The following GRIA2 variants were observed in gnomAD, a reference collection of about 807,000 sequenced individuals.
GRIA2 encodes the protein glutamate receptor 2.
Under a neutral mutation model 97.3 loss-of-function variants are expected in GRIA2, and 14 were observed. That is an observed-to-expected ratio of 0.14 (90% CI 0.10 to 0.23). The LOEUF is 0.23. Ranked by LOEUF, GRIA2 falls within the 10% of genes least tolerant of loss-of-function variation. The pLI, the probability that GRIA2 is intolerant of heterozygous loss-of-function variation, is 1.00. For synonymous variants in GRIA2, 412 were observed against 387.8 expected, an observed-to-expected ratio of 1.06 and a Z score of -0.73; for missense variants, 558 against 1,069.8, an observed-to-expected ratio of 0.52 and a Z score of 6.67.
In GRIA2 at chr4:157,282,440, T is replaced by C. The variant is rs187648491; in HGVS notation, c.230-21112T>C. Among the ~76,000 whole-genome samples, 4 of 152,188 alleles carry C rather than the reference T, an allele frequency of 2.6e-5. No homozygotes were observed. The East Asian group carries it at 7.7e-4, about 29-fold the overall frequency. ...TTAGAAGGAAGACAGTTTTGAGGAA[T>C]TATAAAGATTGGGCAATAAGAATTT... is the stretch of plus-strand genomic sequence containing the variant. On this transcript the variant is annotated intron_variant, in intron 2 of 15. Transcript: ENST00000264426.
intron 2 of GRIA2, among the ~76,000 whole-genome samples, chr4:157,251,313 C>A (rs1012083139): frequency 6.6e-6 from 1 of 152,018 alleles, no homozygotes; most frequent in African/African-American, 2.4e-5. Flanking sequence ...AAATATTTTT[C>A]TGACAGGGTG....
In GRIA2 at chr4:157,361,323, A is replaced by C. The variant is rs1287773155; in HGVS notation, c.2406+199A>C. ...TCTCTTTCTCCATATCTCAAGGAAA[A>C]ATTTGTAACTAATGGATTTGTTGCA... On this transcript the variant is annotated intron_variant, in intron 14 of 15. Transcript: ENST00000264426. The surrounding 1 kb of genome is among the most constrained non-coding windows in gnomAD (Gnocchi z 5.2). Among the ~76,000 whole-genome samples, 3 of 152,074 alleles carry C rather than the reference A, an allele frequency of 2.0e-5. No homozygotes were observed. Among genetic ancestry groups the C allele is most frequent in the African/African-American group, 7.2e-5 (3 of 41,414 alleles).
intron 10 of GRIA2, among the ~76,000 whole-genome samples, chr4:157,336,166 C>G (rs537117787): frequency 5.9e-5 from 9 of 152,138 alleles, no homozygotes; most frequent in African/African-American, 2.2e-4. Context: ...TGATCATAGT[C>G]AAGCCAGCTG....
chr4:157,231,366 G>A (rs527822015), intron 2 of GRIA2, among the ~76,000 whole-genome samples: 19 of 152,052 alleles, frequency 1.2e-4, no homozygotes, highest in African/African-American at 3.4e-4. Context: ...TTTTGCAGAC[G>A]GGTTATCACC....
intron 2 of GRIA2, among the ~76,000 whole-genome samples, chr4:157,292,507 T>A (rs983086467): frequency 6.6e-6 from 1 of 151,848 alleles, no homozygotes; most frequent in African/African-American, 2.4e-5. Flanking sequence ...TTAGGAATCA[T>A]CAAATGAAGG....
intron 1 of GRIA2, 84 bp downstream of exon 1, chr4:157,221,214 A>T (rs529765463): frequency 5.2e-6 from 4 of 773,046 alleles, no homozygotes; most frequent in Non-Finnish European, 9.4e-6. Flanking sequence ...AATTCATGTC[A>T]TGTAGACTTA....
At chr4:157,340,749 A>G (rs1735512015) in intron 11 of GRIA2, among the ~76,000 whole-genome samples, 2 of 151,992 alleles carry the variant, frequency 1.3e-5, no homozygotes, top group South Asian at 4.1e-4. Context: ...TTTTACATAC[A>G]CAAAATTAAC....
intron 2 of GRIA2, among the ~76,000 whole-genome samples, chr4:157,270,025 T>C (rs1731946353): frequency 6.6e-6 from 1 of 152,140 alleles, no homozygotes; most frequent in South Asian, 2.1e-4. Flanking sequence ...CCATTAAAAG[T>C]GACTTCTTAA....
intron 6 of GRIA2, among the ~76,000 whole-genome samples, chr4:157,331,280 A>C (rs1735035782): frequency 6.6e-6 from 1 of 151,926 alleles, no homozygotes; most frequent in African/African-American, 2.4e-5. Flanking sequence ...CAAGCTAATC[A>C]TATTTTTTTT....
intron 2 of GRIA2, among the ~76,000 whole-genome samples, chr4:157,254,420 T>C (rs1256045507): frequency 6.6e-6 from 1 of 152,074 alleles, no homozygotes; most frequent in Non-Finnish European, 1.5e-5. Flanking sequence ...TTAACCCATT[T>C]AAAAAATCAG....
intron 2 of GRIA2, among the ~76,000 whole-genome samples, chr4:157,248,881 A>G (rs1480710599): frequency 6.6e-6 from 1 of 151,042 alleles, no homozygotes; most frequent in Non-Finnish European, 1.5e-5. Context: ...TCTGTCACCC[A>G]GACTGGAGTG....
At chr4:157,333,939 G>T (rs1735170725) in intron 8 of GRIA2, 71 bp from the exon 9 acceptor site, 3 of 764,900 alleles carry the variant, frequency 3.9e-6, no homozygotes, top group Non-Finnish European at 4.7e-6. Context: ...ACATGGCTTT[G>T]AAAATAATTA....
At chr4:157,238,766 T>G (rs1480208342) in intron 2 of GRIA2, among the ~76,000 whole-genome samples, 1 of 152,152 alleles carries the variant, frequency 6.6e-6, no homozygotes, top group East Asian at 1.9e-4. Flanking sequence ...AGTAAATCAA[T>G]TTCTGATATA....
At chr4:157,254,653 G>A (rs1302880583) in intron 2 of GRIA2, among the ~76,000 whole-genome samples, 1 of 152,032 alleles carries the variant, frequency 6.6e-6, no homozygotes, top group Non-Finnish European at 1.5e-5. Flanking sequence ...ATCCTGTGTT[G>A]AGGGTGTGTG....
chr4:157,282,898 C>T (rs1732671649), intron 2 of GRIA2, among the ~76,000 whole-genome samples: 1 of 152,004 alleles, frequency 6.6e-6, no homozygotes, highest in Non-Finnish European at 1.5e-5. Context: ...ATGAAACAAA[C>T]TGGGTCACCT....
chr4:157,347,187 G>C (rs1735800187), intron 12 of GRIA2, among the ~76,000 whole-genome samples: 1 of 152,154 alleles, frequency 6.6e-6, no homozygotes. Flanking sequence ...TGTGTTTTTG[G>C]TGATCCAATG....
chr4:157,222,351 G>A (rs1338427001), intron 2 of GRIA2, among the ~76,000 whole-genome samples: 1 of 152,204 alleles, frequency 6.6e-6, no homozygotes. Context: ...CGAGCTCCAT[G>A]TTCTCCTCTT....
At chr4:157,262,571 A>G (rs1160315907) in intron 2 of GRIA2, among the ~76,000 whole-genome samples, 1 of 152,046 alleles carries the variant, frequency 6.6e-6, no homozygotes, top group South Asian at 2.1e-4. Context: ...ATGGCTTCTG[A>G]GCTATAGTCT....
At position 157,361,176 on chromosome 4, in the gene GRIA2, C is replaced by T; in HGVS notation, c.2406+52C>T. 7.3e-7 allele frequency: 1 copy of T among 1,377,610 alleles called. No individual in the cohort carries two copies. The highest frequency in any genetic ancestry group is 1.0e-6 in the Non-Finnish European group (1 of 966,772). The allele number at this position is 1,377,610 out of a possible 1,614,324, so 85.3% of individuals were successfully genotyped here. ...GTAACTCAATGCAAAACAAAGTAAG[C>T]AGCAGCTATGCACAGTGTGGGCACT... On this transcript the variant is annotated intron_variant, in intron 14 of 15. Transcript: ENST00000264426. The surrounding 1 kb of genome is among the most constrained non-coding windows in gnomAD (Gnocchi z 5.2).
Sources: gnomAD v4.1 joint callset for allele counts (sites outside exome capture counted in the v4.1 genomes callset) on GRCh38, gnomAD v4.1.1 for gene constraint, Gnocchi (gnomAD v3.1) non-coding constraint, MANE v1.5 for transcripts, NCBI Gene and HGNC (gene_info 2026-07-23, HGNC 2026-07-21) for gene names.